Variants in DRC11 observed in about 807,000 individuals in gnomAD.
DRC11 encodes the protein IQ and AAA domain-containing protein 1.
chr2:236,461,478 T>C, the DRC11 span, among the ~76,000 whole-genome samples: 5 of 152,242 alleles, frequency 3.3e-5, no homozygotes, highest in Non-Finnish European at 2.9e-5. The surrounding 1 kb of genome is among the most constrained non-coding windows in gnomAD (Gnocchi z 4.0). Context: ...CCCAATTATG[T>C]AATTGAATAA....
chr2:236,487,932 A>G, the DRC11 span: 20 of 1,124,714 alleles, frequency 1.8e-5, no homozygotes, highest in South Asian at 1.8e-4. Context: ...GCTCAGCCCC[A>G]AAATTGAGAT....
At chr2:236,357,616 AATAT>A in the DRC11 span, among the ~76,000 whole-genome samples, 28 of 122,074 alleles carry the variant, frequency 2.3e-4, no homozygotes, top group Non-Finnish European at 3.5e-4. Flanking sequence ...TATATTTATA[AATAT>A]ATAAATATGC....
At chr2:236,408,039 C>A in the DRC11 span, 1 of 573,714 alleles carries the variant, frequency 1.7e-6, no homozygotes, top group South Asian at 1.4e-5. The surrounding 1 kb of genome is among the most constrained non-coding windows in gnomAD (Gnocchi z 5.5). Flanking sequence ...GGAGGGTGAG[C>A]ACTCACTTCT....
the DRC11 span, among the ~76,000 whole-genome samples, chr2:236,336,906 G>T: frequency 3.5e-3 from 540 of 152,292 alleles, 7 homozygotes; most frequent in African/African-American, 0.012. This position sits in a 1 kb window ranked among gnomAD's most constrained non-coding sequence, Gnocchi z 7.3. Flanking sequence ...TGGTGATGGT[G>T]CCTCTGTGTG....
chr2:236,420,275 C>A, the DRC11 span, among the ~76,000 whole-genome samples: 982 of 152,242 alleles, frequency 6.5e-3, 6 homozygotes, highest in African/African-American at 0.022. This position sits in a 1 kb window ranked among gnomAD's most constrained non-coding sequence, Gnocchi z 4.8. Context: ...GGATTCAGCA[C>A]GTGCTTAACC....
At chr2:236,406,996 C>T in the DRC11 span, among the ~76,000 whole-genome samples, 2,849 of 152,268 alleles carry the variant, frequency 0.019, 84 homozygotes, top group African/African-American at 0.064. The surrounding 1 kb of genome is among the most constrained non-coding windows in gnomAD (Gnocchi z 4.7). Flanking sequence ...CCGCCTGCCT[C>T]GGCCTCCCAA....
chr2:236,336,417 ACC>A, the DRC11 span, among the ~76,000 whole-genome samples: 1 of 147,898 alleles, frequency 6.8e-6, no homozygotes, highest in African/African-American at 2.5e-5. The surrounding 1 kb of genome is among the most constrained non-coding windows in gnomAD (Gnocchi z 7.3). Context: ...CATGCTGACC[ACC>A]ACCACCACTG....
chr2:236,315,531 C>G, the DRC11 span, among the ~76,000 whole-genome samples: 1 of 152,138 alleles, frequency 6.6e-6, no homozygotes, highest in African/African-American at 2.4e-5. This position sits in a 1 kb window ranked among gnomAD's most constrained non-coding sequence, Gnocchi z 5.1. Flanking sequence ...ATAAATCATT[C>G]TATTATAAAG....
chr2:236,435,333 C>T, the DRC11 span, among the ~76,000 whole-genome samples: 1 of 152,254 alleles, frequency 6.6e-6, no homozygotes, highest in Non-Finnish European at 1.5e-5. Context: ...AATTATGGCA[C>T]ATGGGCCGGC....
chr2:236,321,543 A>G, the DRC11 span, among the ~76,000 whole-genome samples: 1 of 152,210 alleles, frequency 6.6e-6, no homozygotes, highest in South Asian at 2.1e-4. Flanking sequence ...TGTAAATATC[A>G]GCATGTGCTG....
the DRC11 span, among the ~76,000 whole-genome samples, chr2:236,475,397 G>A: frequency 6.6e-6 from 1 of 152,160 alleles, no homozygotes; most frequent in South Asian, 2.1e-4. This position sits in a 1 kb window ranked among gnomAD's most constrained non-coding sequence, Gnocchi z 4.8. Flanking sequence ...CACTTAGGGT[G>A]ATTCCATATC....
chr2:236,329,326 G>T, the DRC11 span, among the ~76,000 whole-genome samples: 1 of 152,122 alleles, frequency 6.6e-6, no homozygotes, highest in Non-Finnish European at 1.5e-5. Context: ...GCCATTATCC[G>T]GCCTACCATG....
At chr2:236,441,186 T>C in the DRC11 span, 1 of 1,096,310 alleles carries the variant, frequency 9.1e-7, no homozygotes, top group Non-Finnish European at 1.4e-6. Flanking sequence ...ATATACCCCA[T>C]TTATTTGCTT....
chr2:236,480,522 T>A, the DRC11 span, among the ~76,000 whole-genome samples: 1 of 152,322 alleles, frequency 6.6e-6, no homozygotes, highest in East Asian at 1.9e-4. Context: ...GAACCTCTAA[T>A]GTATTTTTCT....
the DRC11 span, among the ~76,000 whole-genome samples, chr2:236,415,510 TG>T: frequency 6.6e-6 from 1 of 152,232 alleles, no homozygotes; most frequent in Non-Finnish European, 1.5e-5. This position sits in a 1 kb window ranked among gnomAD's most constrained non-coding sequence, Gnocchi z 5.7. Context: ...TAAAAGTCTC[TG>T]GAAAGGGTAG....
At chr2:236,499,853 T>A in the DRC11 span, among the ~76,000 whole-genome samples, 1 of 152,216 alleles carries the variant, frequency 6.6e-6, no homozygotes, top group Admixed American at 6.5e-5. This position sits in a 1 kb window ranked among gnomAD's most constrained non-coding sequence, Gnocchi z 4.7. Context: ...TATCCATGGT[T>A]AACCACCCTG....
chr2:236,401,373 G>T, the DRC11 span, among the ~76,000 whole-genome samples: 2 of 152,120 alleles, frequency 1.3e-5, no homozygotes, highest in African/African-American at 4.8e-5. The surrounding 1 kb of genome is among the most constrained non-coding windows in gnomAD (Gnocchi z 4.6). Context: ...TGGCCTTCCT[G>T]CCCTTTTGAC....
At chr2:236,491,190 A>G in the DRC11 span, among the ~76,000 whole-genome samples, 66 of 33,926 alleles carry the variant, frequency 1.9e-3, 2 homozygotes, top group African/African-American at 0.016. Context: ...TACACACAGT[A>G]TATATATATA....
chr2:236,344,522 GA>G, the DRC11 span: 1 of 1,529,028 alleles, frequency 6.5e-7, no homozygotes, highest in Admixed American at 1.7e-5. Context: ...TTGGAGGAAA[GA>G]AAAGGCAAAA....
Sources: gnomAD v4.1 joint callset for allele counts (sites outside exome capture counted in the v4.1 genomes callset) on GRCh38, gnomAD v4.1.1 for gene constraint, Gnocchi (gnomAD v3.1) non-coding constraint, MANE v1.5 for transcripts, NCBI Gene and HGNC (gene_info 2026-07-23, HGNC 2026-07-21) for gene names.